Variants in FAM168A observed in about 807,000 individuals in gnomAD.
The protein encoded by FAM168A is family with sequence similarity 168 member A.
A neutral mutation model predicts 28.5 loss-of-function variants in FAM168A; 3 were observed. That is an observed-to-expected ratio of 0.11 (90% CI 0.05 to 0.27). The LOEUF is 0.27. Ranked by LOEUF, FAM168A falls within the 10% of genes least tolerant of loss-of-function variation. The probability of loss-of-function intolerance (pLI) is 1.00; values close to 1 mark genes in which losing one functional copy is unlikely to be tolerated. For synonymous variants in FAM168A, 122 were observed against 124.2 expected (o/e 0.98, Z 0.12); for missense variants, 222 against 311.5 (o/e 0.71, Z 2.16).
chr11:73,585,939 G>C (rs1294411706), intron 1 of FAM168A, among the ~76,000 whole-genome samples: 1 of 150,668 alleles, frequency 6.6e-6, no homozygotes, highest in Non-Finnish European at 1.5e-5. Context: ...CCAGATCCTA[G>C]TGTGCAAAAC....
At chr11:73,569,675 AG>A (rs1175085157) in intron 1 of FAM168A, among the ~76,000 whole-genome samples, 1 of 152,004 alleles carries the variant, frequency 6.6e-6, no homozygotes, top group East Asian at 1.9e-4. Context: ...TACAAAAATT[AG>A]CCGGGCGTGG....
chr11:73,426,016 T>C (rs906149429), intron 3 of FAM168A, among the ~76,000 whole-genome samples: 1 of 152,230 alleles, frequency 6.6e-6, no homozygotes, highest in African/African-American at 2.4e-5. Flanking sequence ...AAATTCCTTT[T>C]CCCTACCCTT....
intron 1 of FAM168A, among the ~76,000 whole-genome samples, chr11:73,494,453 C>T (rs1193662142): frequency 6.6e-6 from 1 of 152,184 alleles, no homozygotes; most frequent in Non-Finnish European, 1.5e-5. Flanking sequence ...CTGTTACATT[C>T]CAAGCGGTTG....
chr11:73,581,805 G>A (rs961122688), intron 1 of FAM168A, among the ~76,000 whole-genome samples: 4 of 151,882 alleles, frequency 2.6e-5, no homozygotes, highest in African/African-American at 9.7e-5. Flanking sequence ...TGCAAACTCT[G>A]CCTCCCGGGT....
intron 2 of FAM168A, among the ~76,000 whole-genome samples, chr11:73,442,069 T>C (rs1185451022): frequency 6.6e-6 from 1 of 152,074 alleles, no homozygotes; most frequent in Non-Finnish European, 1.5e-5. Context: ...TTGCTCTTTT[T>C]CCCCGCAGTG....
chr11:73,545,677 T>TATA (rs1943739810), intron 1 of FAM168A, among the ~76,000 whole-genome samples: 1 of 150,232 alleles, frequency 6.7e-6, no homozygotes, highest in African/African-American at 2.4e-5. Context: ...TATTGAATAC[T>TATA]ATATACTTTT....
At chr11:73,560,785 A>G (rs980937797) in intron 1 of FAM168A, among the ~76,000 whole-genome samples, 1 of 152,216 alleles carries the variant, frequency 6.6e-6, no homozygotes, top group Non-Finnish European at 1.5e-5. Context: ...ACATGCAGCC[A>G]GGCATCGCTG....
chr11:73,417,010 G>A (rs1253217153), intron 4 of FAM168A, among the ~76,000 whole-genome samples: 1 of 152,144 alleles, frequency 6.6e-6, no homozygotes, highest in African/African-American at 2.4e-5. Flanking sequence ...TGTCTGGGAG[G>A]GAACAGTGGG....
At chr11:73,433,308 C>T (rs1252058355) in intron 2 of FAM168A, among the ~76,000 whole-genome samples, 1 of 151,344 alleles carries the variant, frequency 6.6e-6, no homozygotes, top group South Asian at 2.1e-4. Flanking sequence ...GTATTACTTA[C>T]AAATATTTTC....
intron 3 of FAM168A, among the ~76,000 whole-genome samples, chr11:73,422,726 A>AGC: frequency 6.6e-6 from 1 of 152,364 alleles, no homozygotes; most frequent in East Asian, 1.9e-4. Context: ...AGACATTATT[A>AGC]AGCTGTACAC....
At chr11:73,518,758 G>A (rs181082900) in intron 1 of FAM168A, among the ~76,000 whole-genome samples, 3 of 152,172 alleles carry the variant, frequency 2.0e-5, no homozygotes, top group Admixed American at 6.5e-5. Context: ...TTAGCTGGGC[G>A]TGGTCGTGCG....
At chr11:73,449,331 G>T (rs1330798858) in intron 2 of FAM168A, among the ~76,000 whole-genome samples, 1 of 152,152 alleles carries the variant, frequency 6.6e-6, no homozygotes, top group African/African-American at 2.4e-5. Context: ...GATGCATAGT[G>T]AGTGATAAAA....
At chr11:73,428,062 G>C (rs1866920497) in intron 3 of FAM168A, among the ~76,000 whole-genome samples, 1 of 152,192 alleles carries the variant, frequency 6.6e-6, no homozygotes, top group South Asian at 2.1e-4. Context: ...TTTATTCTAA[G>C]CACATCTATC....
intron 1 of FAM168A, among the ~76,000 whole-genome samples, chr11:73,588,343 G>A (rs769508813): frequency 6.6e-6 from 1 of 152,148 alleles, no homozygotes; most frequent in Non-Finnish European, 1.5e-5. Context: ...TTTGTCTGAT[G>A]AGATGAGTGG....
intron 1 of FAM168A, among the ~76,000 whole-genome samples, chr11:73,572,233 CG>C (rs1175372040): frequency 1.3e-5 from 2 of 151,590 alleles, no homozygotes; most frequent in Non-Finnish European, 2.9e-5. Flanking sequence ...CCCGGCCAGC[CG>C]CCCCGTCCGG....
intron 1 of FAM168A, among the ~76,000 whole-genome samples, chr11:73,587,859 T>C (rs1337607504): frequency 6.6e-6 from 1 of 152,028 alleles, no homozygotes; most frequent in African/African-American, 2.4e-5. Flanking sequence ...AAGAGATTCT[T>C]CTGCCTCAGC....
At chr11:73,552,715 G>A (rs1187369976) in intron 1 of FAM168A, among the ~76,000 whole-genome samples, 2 of 152,198 alleles carry the variant, frequency 1.3e-5, no homozygotes, top group Non-Finnish European at 2.9e-5. Flanking sequence ...TCAACACTTT[G>A]GGAGGCCAAG....
intron 1 of FAM168A, among the ~76,000 whole-genome samples, chr11:73,496,905 ACG>A (rs1555027720): frequency 7.6e-5 from 11 of 144,336 alleles, no homozygotes; most frequent in South Asian, 2.1e-4. Context: ...ACACACACAC[ACG>A]CACACACACG....
intron 2 of FAM168A, among the ~76,000 whole-genome samples, chr11:73,450,571 G>A (rs1386148162): frequency 6.6e-6 from 1 of 151,140 alleles, no homozygotes; most frequent in Non-Finnish European, 1.5e-5. Context: ...TGCTGGAAAA[G>A]TTTCTCCATC....
Sources: gnomAD v4.1 joint callset for allele counts (sites outside exome capture counted in the v4.1 genomes callset) on GRCh38, gnomAD v4.1.1 for gene constraint, MANE v1.5 for transcripts, NCBI Gene and HGNC (gene_info 2026-07-23, HGNC 2026-07-21) for gene names.